Variants in NXPE4 observed in about 807,000 individuals in gnomAD.
NXPE4 encodes neurexophilin and PC-esterase domain family member 4.
Under a neutral mutation model 33.3 loss-of-function variants are expected in NXPE4, and 42 were observed. That is an observed-to-expected ratio of 1.26 (90% CI 0.98 to 1.63). The LOEUF is 1.63. Ranked by LOEUF, NXPE4 falls within the 40% of genes most tolerant of loss-of-function variation. NXPE4 has a pLI of 0.00. For synonymous variants in NXPE4, 253 were observed against 234.9 expected (o/e 1.08, Z -0.71); for missense variants, 709 against 647.6 (o/e 1.09, Z -1.03).
chr11:114,582,862 T>C lies in NXPE4; in HGVS notation c.256A>G (p.Arg86Gly), dbSNP rs1466137044. Residue 86 changes from arginine to glycine, a missense_variant, in exon 3 of 6, where the codon AGA becomes GGA. Physicochemically the swap from Arg to Gly is moderately radical, Grantham distance 125 (BLOSUM62 -2). Coordinates refer to ENST00000375478, the MANE Select transcript of NXPE4 (RefSeq NM_001077639.2). ...IEKLDQQIPP[R>G]PFTHVNTTTS... ...GTGGTGTTCACGTGGGTGAAAGGTC[T>C]GGGTGGGATCTGCTGATCTAGTTTC... 4 of 1,614,082 alleles carry C rather than the reference T, an allele frequency of 2.5e-6. No individual in the cohort carries two copies. Among genetic ancestry groups the C allele is most frequent in the Non-Finnish European group, 3.4e-6 (4 of 1,180,010 alleles).
the NXPE4 span, among the ~76,000 whole-genome samples, chr11:114,601,247 G>A: frequency 0.15 from 23,054 of 149,604 alleles, 1,853 homozygotes; most frequent in South Asian, 0.21. Context: ...CCCTTCCCAT[G>A]CTCCCTCTTT....
the NXPE4 span, among the ~76,000 whole-genome samples, chr11:114,614,521 A>G: frequency 3.3e-5 from 5 of 149,860 alleles, no homozygotes; most frequent in African/African-American, 9.9e-5. Context: ...ATGTTGCCTC[A>G]TGGGGAACCA....
chr11:114,626,214 C>G, the NXPE4 span, among the ~76,000 whole-genome samples: 1 of 152,216 alleles, frequency 6.6e-6, no homozygotes, highest in Non-Finnish European at 1.5e-5. Context: ...GGCTCCACCT[C>G]TGGGGGCAGG....
chr11:114,626,046 T>A, the NXPE4 span, among the ~76,000 whole-genome samples: 419 of 152,322 alleles, frequency 2.8e-3, no homozygotes, highest in African/African-American at 8.9e-3. Context: ...GTCTCACTGA[T>A]TGCTAGCACA....
chr11:114,583,527 A>T, intron 2 of NXPE4: 1 of 611,120 alleles, frequency 1.6e-6, no homozygotes, highest in Non-Finnish European at 3.2e-6. Flanking sequence ...AAGCGGATGC[A>T]GAGATTCAAC....
At chr11:114,624,064 C>A in the NXPE4 span, among the ~76,000 whole-genome samples, 3 of 151,720 alleles carry the variant, frequency 2.0e-5, no homozygotes, top group Non-Finnish European at 4.4e-5. Flanking sequence ...TGAGTGTTGT[C>A]TTGTGGGTAA....
At chr11:114,612,642 G>T in the NXPE4 span, among the ~76,000 whole-genome samples, 2 of 151,792 alleles carry the variant, frequency 1.3e-5, no homozygotes, top group African/African-American at 4.8e-5. Context: ...ATTGCCTCGT[G>T]GGTAACCACG....
At chr11:114,590,146 A>C (rs1336422316) in intron 2 of NXPE4, among the ~76,000 whole-genome samples, 4 of 152,198 alleles carry the variant, frequency 2.6e-5, no homozygotes, top group Non-Finnish European at 4.4e-5. Context: ...GACCTCTCTG[A>C]GTTTTCCCAT....
intron 2 of NXPE4, among the ~76,000 whole-genome samples, chr11:114,585,694 T>C (rs192439392): frequency 1.3e-5 from 2 of 152,130 alleles, no homozygotes; most frequent in Middle Eastern, 3.4e-3. Flanking sequence ...ATTATTTAGG[T>C]AGACAGTGAG....
At chr11:114,600,447 A>G (rs1484673419), upstream of NXPE4, among the ~76,000 whole-genome samples, 3 of 152,140 alleles carry the variant, frequency 2.0e-5, no homozygotes, top group Non-Finnish European at 4.4e-5. Flanking sequence ...TAAGACACAA[A>G]TGCTGTACTG....
At chr11:114,583,755 AG>A (rs1366250735) in intron 2 of NXPE4, 1 of 490,488 alleles carries the variant, frequency 2.0e-6, no homozygotes, top group African/African-American at 1.9e-5. Context: ...AAGTATCACC[AG>A]AGGGTGTTGT....
the NXPE4 span, among the ~76,000 whole-genome samples, chr11:114,610,910 G>C: frequency 6.6e-6 from 1 of 151,812 alleles, no homozygotes; most frequent in Non-Finnish European, 1.5e-5. Flanking sequence ...ATGGTACCTG[G>C]TGGATAATAA....
the NXPE4 span, among the ~76,000 whole-genome samples, chr11:114,652,185 G>A: frequency 6.6e-6 from 1 of 152,182 alleles, no homozygotes; most frequent in Non-Finnish European, 1.5e-5. Context: ...GGAGAGAAGG[G>A]TCATACTGAG....
At chr11:114,587,492 G>C (rs1949333662) in intron 2 of NXPE4, among the ~76,000 whole-genome samples, 1 of 152,216 alleles carries the variant, frequency 6.6e-6, no homozygotes, top group African/African-American at 2.4e-5. Flanking sequence ...GAGTCATGCA[G>C]ATCACACAAG....
At chr11:114,573,380 A>G (rs908755230) in intron 5 of NXPE4, among the ~76,000 whole-genome samples, 3 of 152,152 alleles carry the variant, frequency 2.0e-5, no homozygotes, top group Admixed American at 2.0e-4. Flanking sequence ...TTGAATGTAA[A>G]TGACCTGAAT....
At chr11:114,571,686 G>A (rs1948891040) in intron 5 of NXPE4, among the ~76,000 whole-genome samples, 1 of 152,202 alleles carries the variant, frequency 6.6e-6, no homozygotes, top group South Asian at 2.1e-4. Flanking sequence ...TAGGAGGCAG[G>A]ACTAGCTTGC....
At chr11:114,640,268 A>T in the NXPE4 span, among the ~76,000 whole-genome samples, 1 of 143,188 alleles carries the variant, frequency 7.0e-6, no homozygotes. Flanking sequence ...TATAGTATAT[A>T]ATATATAATA....
the NXPE4 span, among the ~76,000 whole-genome samples, chr11:114,610,766 G>A: frequency 3.3e-5 from 5 of 151,876 alleles, no homozygotes; most frequent in East Asian, 2.0e-4. Flanking sequence ...TTGCCTTGTC[G>A]GTAACCACTG....
At position 114,581,753 on chromosome 11, in the gene NXPE4, G is replaced by T; in HGVS notation, c.864C>A (p.Phe288Leu). 6 of 1,611,706 alleles carry T rather than the reference G, an allele frequency of 3.7e-6. No individual in the cohort carries two copies. Among genetic ancestry groups the T allele is most frequent in the Non-Finnish European group, 5.1e-6 (6 of 1,178,850 alleles). The change falls in exon 4 of 6, where the codon TTC (phenylalanine) becomes TTA (leucine). Residue 288 changes from phenylalanine (F) to leucine (L), a missense_variant. By Grantham distance (22) the Phe-to-Leu change is conservative. Transcript: ENST00000375478. ...TGCATTTGGAGACACTAATTGTATTGAATTTTTCCATAATCTCTACACCCA... is the reference window on the plus strand; with the variant it reads ...TGCATTTGGAGACACTAATTGTATTTAATTTTTCCATAATCTCTACACCCA... ...SNVGVEIMEK[F>L]NTISVSKCNK...
Sources: gnomAD v4.1 joint callset for allele counts (sites outside exome capture counted in the v4.1 genomes callset) on GRCh38, gnomAD v4.1.1 for gene constraint, MANE v1.5 for transcripts, NCBI Gene and HGNC (gene_info 2026-07-23, HGNC 2026-07-21) for gene names.